SEMA4F: variants seen among roughly 807,000 people sequenced by gnomAD.
SEMA4F encodes semaphorin-4F.
SEMA4F carries 51 observed loss-of-function variants against 78.4 expected under a neutral mutation model. That is an observed-to-expected ratio of 0.65 (90% CI 0.52 to 0.82). SEMA4F has a LOEUF of 0.82. Ranked by LOEUF, SEMA4F falls within the 40% of genes least tolerant of loss-of-function variation. SEMA4F has a pLI of 0.00. For synonymous variants in SEMA4F, 418 were observed against 408.7 expected (o/e 1.02, Z -0.27); for missense variants, 938 against 1,014.4 (o/e 0.92, Z 1.02).
In SEMA4F at chr2:74,674,560, G is replaced by T; in HGVS notation, c.885G>T (p.Leu295=). 6.2e-7 allele frequency: 1 copy of T among 1,614,132 alleles called. No individual in the cohort carries two copies. The highest frequency in any genetic ancestry group is 8.5e-7 in the Non-Finnish European group (1 of 1,180,024). Residue 295 remains leucine, a synonymous_variant, in exon 8 of 14, where the codon CTG becomes CTT. Coordinates refer to ENST00000357877, the MANE Select transcript of SEMA4F (RefSeq NM_004263.5). The part of the protein sequence containing the change: ...QRWTTFLKAD[L]LCPGPEHGRA... The stretch of plus-strand genomic sequence containing the variant: ...GGACGACGTTTTTGAAAGCTGACCT[G>T]CTCTGTCCAGGGCCTGAGCATGGCC...
intron 5 of SEMA4F, among the ~76,000 whole-genome samples, chr2:74,666,973 C>T (rs1159681682): frequency 6.6e-6 from 1 of 151,944 alleles, no homozygotes; most frequent in Non-Finnish European, 1.5e-5. Context: ...TACCAAGTAA[C>T]CACTATTATT....
the SEMA4F span, among the ~76,000 whole-genome samples, chr2:74,694,359 A>G: frequency 6.6e-6 from 1 of 152,054 alleles, no homozygotes; most frequent in South Asian, 2.1e-4. Flanking sequence ...TGCTCTGAGT[A>G]TATTATTTCG....
At chr2:74,660,342 T>C (rs1684363839) in intron 4 of SEMA4F, among the ~76,000 whole-genome samples, 1 of 152,260 alleles carries the variant, frequency 6.6e-6, no homozygotes, top group Non-Finnish European at 1.5e-5. Context: ...CTTATCTGTC[T>C]TCAATTTCTT....
At chr2:74,668,066 C>T (rs1402494712) in intron 5 of SEMA4F, among the ~76,000 whole-genome samples, 1 of 152,176 alleles carries the variant, frequency 6.6e-6, no homozygotes, top group African/African-American at 2.4e-5. Flanking sequence ...TTCCCTCCTC[C>T]GAGTGTATAG....
At chr2:74,671,404 C>A (rs1176664419) in intron 5 of SEMA4F, among the ~76,000 whole-genome samples, 3 of 152,200 alleles carry the variant, frequency 2.0e-5, no homozygotes, top group Non-Finnish European at 2.9e-5. Flanking sequence ...AGTGGCCCCC[C>A]ACTCTCTGCT....
In SEMA4F at chr2:74,683,148, TG is replaced by T. The variant is rs1038120044; in HGVS notation, c.*2942del. On this transcript the variant is annotated 3_prime_UTR_variant, in exon 14 of 14. Transcript: ENST00000357877. Reference sequence around the variant, plus strand: ...TTATTATACCTTATTAAAACAAACCTGGGTACATTTGTAAGACAGCAGGGAT... The same window carrying T: ...TTATTATACCTTATTAAAACAAACCTGGTACATTTGTAAGACAGCAGGGAT... The T allele has an allele frequency of 3.3e-5, 5 of 152,180 alleles. No homozygotes were observed. Among genetic ancestry groups the T allele is most frequent in the Non-Finnish European group, 5.9e-5 (4 of 68,044 alleles). 9.4% of individuals were successfully genotyped at this position (152,180 alleles called of 1,614,324 possible).
chr2:74,662,638 G>A, intron 4 of SEMA4F, 94 bp from the exon 5 acceptor site: 2 of 998,426 alleles, frequency 2.0e-6, no homozygotes, highest in Admixed American at 1.7e-5. Context: ...AGAGGAATGG[G>A]AATTGACCTT....
chr2:74,695,040 A>G, the SEMA4F span, among the ~76,000 whole-genome samples: 1 of 152,226 alleles, frequency 6.6e-6, no homozygotes, highest in Non-Finnish European at 1.5e-5. Context: ...TTTAGTAGAT[A>G]CTGAGGACTG....
At chr2:74,693,794 AT>A in the SEMA4F span, among the ~76,000 whole-genome samples, 70 of 148,084 alleles carry the variant, frequency 4.7e-4, no homozygotes, top group East Asian at 2.9e-3. Context: ...GTGTTTCCTC[AT>A]TTTTTTTTTA....
At chr2:74,687,909 C>CAACA (rs1433758117), downstream of SEMA4F, among the ~76,000 whole-genome samples, 18 of 152,216 alleles carry the variant, frequency 1.2e-4, no homozygotes, top group African/African-American at 4.3e-4. Context: ...ATCAAAGTAT[C>CAACA]CCTGGAAGGC....
At position 74,674,967 on chromosome 2, in the gene SEMA4F, C is replaced by G; in HGVS notation, c.1081C>G (p.Leu361Val). 4 of 1,613,950 alleles carry G rather than the reference C, an allele frequency of 2.5e-6. No homozygotes were observed. The highest frequency in any genetic ancestry group is 3.4e-6 in the Non-Finnish European group (4 of 1,180,006). ...RTVLNGPFRE[L>V]KHDCNRGLPV... is the part of the protein sequence containing the mutation. ...AGTGCTGAATGGTCCCTTCAGAGAA[C>G]TAAAACATGACTGCAACAGAGGACT... The change falls in exon 9 of 14, where the codon CTA (leucine) becomes GTA (valine). Residue 361 changes from leucine (L) to valine (V), a missense_variant. Physicochemically the swap from Leu to Val is conservative, Grantham distance 32. Transcript: ENST00000357877.
In SEMA4F at chr2:74,661,749, C is replaced by T. The variant is rs145660704; in HGVS notation, c.457-983C>T. 5.9e-5 allele frequency among the ~76,000 whole-genome samples: 9 copies of T among 152,238 alleles called. 1 individual carries two copies. The highest frequency in any genetic ancestry group is 5.8e-4 in the East Asian group (3 of 5,182). On this transcript the variant is annotated intron_variant, in intron 4 of 13. Transcript: ENST00000357877. ...CCATCTAGAACAAGAGATGAGTAAT[C>T]GGAGTGGGCCAGTAGTACACTTATT...
rs116799539 is a variant in SEMA4F at position 74,663,636 on chromosome 2, G to A, written c.550+811G>A. Among the ~76,000 whole-genome samples, 439 of 152,272 alleles carry A rather than the reference G, an allele frequency of 2.9e-3. 2 individuals are homozygous for A. Among genetic ancestry groups the A allele is most frequent in the African/African-American group, 9.9e-3 (411 of 41,534 alleles). ...GGAGCCAGTGTGTCACATAGTGAGA[G>A]AGGGGGCAAGAGAGAGAGGGAGGAG... On this transcript the variant is annotated intron_variant, in intron 5 of 13. Transcript: ENST00000357877.
intron 12 of SEMA4F, among the ~76,000 whole-genome samples, chr2:74,677,707 A>G (rs945093645): frequency 6.6e-6 from 1 of 152,236 alleles, no homozygotes; most frequent in Non-Finnish European, 1.5e-5. Context: ...CAGTTAATTT[A>G]TAGCATATTT....
rs995487525 is a variant in SEMA4F, at chr2:74,682,361, A to C, written c.*2152A>C. 2 of 151,704 alleles carry C rather than the reference A, an allele frequency of 1.3e-5. No homozygotes were observed. Among genetic ancestry groups the C allele is most frequent in the Non-Finnish European group, 2.9e-5 (2 of 67,982 alleles). The allele number at this position is 151,704 out of a possible 1,614,324, so 9.4% of individuals were successfully genotyped here. ...AACCCGGGAGGTGGAGTTTGCAGTG[A>C]GCCAAGATCACGCCACTGCACTCCA... On this transcript the variant is annotated 3_prime_UTR_variant, in exon 14 of 14. Transcript: ENST00000357877.
At chr2:74,664,406 T>C (rs1275155100) in intron 5 of SEMA4F, among the ~76,000 whole-genome samples, 1 of 151,490 alleles carries the variant, frequency 6.6e-6, no homozygotes, top group African/African-American at 2.5e-5. Context: ...TCAAAGATTT[T>C]GCTAGTATCC....
chr2:74,656,604 T>TGCCTCCCACACACTTTATGTTGGC lies in SEMA4F; in HGVS notation c.220_243dup (p.Ser74_Ala81dup). 7 of 1,614,006 alleles carry TGCCTCCCACACACTTTATGTTGGC rather than the reference T, an allele frequency of 4.3e-6. No homozygotes were observed. The highest frequency in any genetic ancestry group is 5.9e-6 in the Non-Finnish European group (7 of 1,179,870). On this transcript the variant is annotated inframe_insertion, in exon 2 of 14. Coordinates refer to ENST00000357877, the MANE Select transcript of SEMA4F (RefSeq NM_004263.5). ...ATTACTCTGTTCTCCTTGTGGATCC[T>TGCCTCCCACACACTTTATGTTGGC]GCCTCCCACACACTTTATGTTGGCG...
In SEMA4F at chr2:74,675,205, T is replaced by A. The variant is rs3025993; in HGVS notation, c.1193T>A (p.Leu398His). 6.2e-7 allele frequency: 1 copy of A among 1,614,008 alleles called. No individual in the cohort carries two copies. The highest frequency in any genetic ancestry group is 8.5e-7 in the Non-Finnish European group (1 of 1,180,010). ...NMKLRHFGSS[L>H]SLPDRVLTFI... The stretch of plus-strand genomic sequence containing the variant: ...AAGCTCCGGCACTTTGGCTCATCTC[T>A]CTCCCTGCCTGACCGCGTACTCACC... Residue 398 changes from leucine (L) to histidine (H), a missense_variant, in exon 10 of 14, where the codon CTC (leucine) becomes CAC (histidine). Physicochemically the swap from Leu to His is moderately conservative, Grantham distance 99. Coordinates refer to ENST00000357877, the MANE Select transcript of SEMA4F (RefSeq NM_004263.5).
rs1284469499 is a variant in SEMA4F, at chr2:74,662,717, C to T, written c.457-15C>T. 4 of 1,609,382 alleles carry T rather than the reference C, an allele frequency of 2.5e-6. No individual in the cohort carries two copies. Among genetic ancestry groups the T allele is most frequent in the Non-Finnish European group, 3.4e-6 (4 of 1,175,742 alleles). On this transcript the variant is annotated splice_polypyrimidine_tract_variant and intron_variant, in intron 4 of 13. Transcript: ENST00000357877. ...CCTATGACCCCTAAACCAATTGCCCCCTTCTGGTCTATAGGATGTGTCCAG... is the reference window on the plus strand; with the variant it reads ...CCTATGACCCCTAAACCAATTGCCCTCTTCTGGTCTATAGGATGTGTCCAG...
Sources: allele counts gnomAD v4.1 joint callset (sites outside exome capture counted in the v4.1 genomes callset), GRCh38; gene constraint gnomAD v4.1.1; transcripts MANE v1.5; gene names NCBI Gene and HGNC (gene_info 2026-07-23, HGNC 2026-07-21).